The following ST6GALNAC3 variants were observed in gnomAD, a reference collection of about 807,000 sequenced individuals.
ST6GALNAC3 encodes ST6 N-acetylgalactosaminide alpha-2,6-sialyltransferase 3, also known as alpha-N-acetylgalactosaminide alpha-2,6-sialyltransferase 3.
In ST6GALNAC3, 25 loss-of-function variants were observed where a neutral mutation model predicts 32.7. The ratio of observed to expected loss-of-function variants is 0.76; its 90% CI spans 0.56 to 1.07. The LOEUF is 1.07. ST6GALNAC3 is among the 50% of genes least tolerant of loss of function. The pLI is 0.00. For missense variants in ST6GALNAC3, 355 were observed against 382.4 expected (o/e 0.93, Z 0.60); for synonymous variants, 129 against 133.1 (o/e 0.97, Z 0.21).
At chr1:76,601,228 G>T (rs529087315) in intron 3 of ST6GALNAC3, among the ~76,000 whole-genome samples, 1 of 151,818 alleles carries the variant, frequency 6.6e-6, no homozygotes, top group Admixed American at 6.6e-5. Flanking sequence ...AAGGAAGAAA[G>T]GAAGGAAAGT....
At chr1:76,320,193 A>G (rs1167015494) in intron 2 of ST6GALNAC3, among the ~76,000 whole-genome samples, 2 of 152,156 alleles carry the variant, frequency 1.3e-5, no homozygotes. Flanking sequence ...AGTTGGGTAA[A>G]AAAGCAAAGG....
chr1:76,292,868 A>G (rs1279153151), intron 1 of ST6GALNAC3, among the ~76,000 whole-genome samples: 1 of 152,202 alleles, frequency 6.6e-6, no homozygotes, highest in African/African-American at 2.4e-5. Context: ...TATTGTTTAT[A>G]TGAAGTCAAA....
At chr1:76,560,898 G>A (rs1191906333) in intron 3 of ST6GALNAC3, among the ~76,000 whole-genome samples, 1 of 152,144 alleles carries the variant, frequency 6.6e-6, no homozygotes, top group Non-Finnish European at 1.5e-5. Context: ...GTTTGTTGCA[G>A]CAAGAACTTG....
chr1:76,454,120 A>T (rs1657598861), intron 3 of ST6GALNAC3, among the ~76,000 whole-genome samples: 1 of 151,842 alleles, frequency 6.6e-6, no homozygotes, highest in African/African-American at 2.4e-5. Flanking sequence ...TTTGGTGTTC[A>T]TTTGTTTGGA....
intron 1 of ST6GALNAC3, among the ~76,000 whole-genome samples, chr1:76,134,440 C>T (rs766501601): frequency 1.4e-4 from 21 of 152,280 alleles, no homozygotes; most frequent in Non-Finnish European, 2.8e-4. Flanking sequence ...CAGATGACAC[C>T]GGAGTTATCC....
At chr1:76,362,084 C>T (rs886527763) in intron 2 of ST6GALNAC3, among the ~76,000 whole-genome samples, 4 of 151,928 alleles carry the variant, frequency 2.6e-5, no homozygotes, top group Admixed American at 2.0e-4. Flanking sequence ...GGAAGCATGA[C>T]ACTGGCATCT....
chr1:76,526,161 C>T (rs1253774360), intron 3 of ST6GALNAC3, among the ~76,000 whole-genome samples: 3 of 151,906 alleles, frequency 2.0e-5, no homozygotes, highest in South Asian at 2.1e-4. Context: ...TCCAGGACGA[C>T]GATAGAATTT....
intron 3 of ST6GALNAC3, among the ~76,000 whole-genome samples, chr1:76,415,115 T>G (rs1654525438): frequency 6.6e-6 from 1 of 151,304 alleles, no homozygotes; most frequent in African/African-American, 2.4e-5. Context: ...ATTCCCATGA[T>G]CTTTCTTTTT....
intron 3 of ST6GALNAC3, among the ~76,000 whole-genome samples, chr1:76,584,527 G>A (rs1646933457): frequency 6.6e-6 from 1 of 152,210 alleles, no homozygotes; most frequent in Non-Finnish European, 1.5e-5. Flanking sequence ...GGGAGAGTCA[G>A]CAGCATTAAG....
intron 3 of ST6GALNAC3, among the ~76,000 whole-genome samples, chr1:76,570,522 A>C (rs1665798927): frequency 6.6e-6 from 1 of 152,094 alleles, no homozygotes; most frequent in Non-Finnish European, 1.5e-5. Context: ...ACTTCATAGG[A>C]AACTACTTAA....
intron 2 of ST6GALNAC3, among the ~76,000 whole-genome samples, chr1:76,370,690 A>T (rs921809071): frequency 6.6e-6 from 1 of 152,320 alleles, no homozygotes; most frequent in African/African-American, 2.4e-5. Context: ...AAACTGATTT[A>T]TATAGAGACT....
chr1:76,358,619 A>G (rs1649683567), intron 2 of ST6GALNAC3, among the ~76,000 whole-genome samples: 1 of 151,708 alleles, frequency 6.6e-6, no homozygotes, highest in African/African-American at 2.4e-5. Flanking sequence ...TGCCTCCTCC[A>G]CTCTGTTCTT....
intron 3 of ST6GALNAC3, among the ~76,000 whole-genome samples, chr1:76,572,247 C>A (rs1232977345): frequency 1.3e-5 from 2 of 151,990 alleles, no homozygotes; most frequent in African/African-American, 4.8e-5. Context: ...ATTTTCTTAA[C>A]CACATAACAT....
At chr1:76,494,429 G>GTATATATATA (rs60378565) in intron 3 of ST6GALNAC3, among the ~76,000 whole-genome samples, 9 of 53,434 alleles carry the variant, frequency 1.7e-4, no homozygotes, top group African/African-American at 2.5e-4. Flanking sequence ...GTGTGCATGT[G>GTATATATATA]TATATATATA....
intron 2 of ST6GALNAC3, among the ~76,000 whole-genome samples, chr1:76,379,648 G>A (rs10873881): frequency 0.28 from 43,066 of 151,846 alleles, 7,308 homozygotes; most frequent in East Asian, 0.6. Context: ...TGTGGTGTGT[G>A]GCTCATCTCC....
chr1:76,366,819 T>G (rs1480644942), intron 2 of ST6GALNAC3, among the ~76,000 whole-genome samples: 4 of 152,202 alleles, frequency 2.6e-5, no homozygotes, highest in Non-Finnish European at 5.9e-5. Context: ...GCAGGGAAAA[T>G]TTGAGTAAAC....
At chr1:76,497,127 G>A (rs905841705) in intron 3 of ST6GALNAC3, among the ~76,000 whole-genome samples, 9 of 152,136 alleles carry the variant, frequency 5.9e-5, no homozygotes, top group Admixed American at 5.9e-4. Context: ...CCCTAATTTG[G>A]AATTCTCTGT....
chr1:76,354,192 A>G (rs1649249683), intron 2 of ST6GALNAC3: 1 of 152,274 alleles, frequency 6.6e-6, no homozygotes, highest in African/African-American at 2.4e-5. Context: ...TAGCAGCCCC[A>G]GTGAGGACCA....
At chr1:76,171,218 C>A (rs896302534) in intron 1 of ST6GALNAC3, among the ~76,000 whole-genome samples, 1 of 152,062 alleles carries the variant, frequency 6.6e-6, no homozygotes, top group African/African-American at 2.4e-5. Context: ...ACCTCCCACA[C>A]CCTCTTGGCA....
Sources: allele counts gnomAD v4.1 joint callset (sites outside exome capture counted in the v4.1 genomes callset), GRCh38; gene constraint gnomAD v4.1.1; transcripts MANE v1.5; gene names NCBI Gene and HGNC (gene_info 2026-07-23, HGNC 2026-07-21).